MGAT4C: variants seen among roughly 807,000 people sequenced by gnomAD.
The protein encoded by MGAT4C is MGAT4 family member C, also known as alpha-1,3-mannosyl-glycoprotein 4-beta-N-acetylglucosaminyltransferase C.
Under a neutral mutation model 40.1 loss-of-function variants are expected in MGAT4C, and 19 were observed. That is an observed-to-expected ratio of 0.47 (90% confidence interval 0.33 to 0.70). The LOEUF is 0.70. MGAT4C is among the 30% of genes least tolerant of loss of function. The pLI, the probability that MGAT4C is intolerant of heterozygous loss-of-function variation, is 0.02. For synonymous variants in MGAT4C, 181 were observed against 187.1 expected (o/e 0.97, Z 0.27); for missense variants, 491 against 563.2 (o/e 0.87, Z 1.30).
At chr12:86,589,958 C>G (rs1961252869) in intron 2 of MGAT4C, among the ~76,000 whole-genome samples, 1 of 151,860 alleles carries the variant, frequency 6.6e-6, no homozygotes, top group South Asian at 2.1e-4. Flanking sequence ...TAAAACAATA[C>G]AAAATACAAA....
At chr12:86,138,476 T>TA (rs1187180281) in intron 1 of MGAT4C, among the ~76,000 whole-genome samples, 90 of 20,060 alleles carry the variant, frequency 4.5e-3, no homozygotes, top group African/African-American at 0.021. Context: ...TCCATATATA[T>TA]CCATATATAT....
rs1239780593 is a variant in MGAT4C at position 86,651,493 on chromosome 12, G to A, written c.-229+75716C>T. 2.6e-5 allele frequency among the ~76,000 whole-genome samples: 4 copies of A among 151,830 alleles called. 1 individual carries two copies. In the South Asian group the frequency reaches 6.2e-4, roughly 24 times the overall value. ...ATACCTAACTCCATTAATATTTTGA[G>A]TATTATTTTTTAATTGGCAATCTAG... is the stretch of plus-strand genomic sequence containing the variant. On this transcript the variant is annotated intron_variant, in intron 2 of 7. Coordinates refer to the MGAT4C transcript ENST00000548651.
intron 2 of MGAT4C, among the ~76,000 whole-genome samples, chr12:86,709,292 C>A (rs961965495): frequency 6.6e-6 from 1 of 152,174 alleles, no homozygotes; most frequent in African/African-American, 2.4e-5. Flanking sequence ...TGTCAGGCTT[C>A]CCCAGCCACG....
chr12:86,405,542 G>T, intron 3 of MGAT4C, among the ~76,000 whole-genome samples: 1 of 151,918 alleles, frequency 6.6e-6, no homozygotes, highest in Non-Finnish European at 1.5e-5. Context: ...ACGTAGTAAA[G>T]ATTTCAACTC....
At chr12:86,608,331 C>A (rs1423249851) in intron 2 of MGAT4C, among the ~76,000 whole-genome samples, 1 of 152,052 alleles carries the variant, frequency 6.6e-6, no homozygotes, top group Non-Finnish European at 1.5e-5. Context: ...ATAATCCCAG[C>A]ACTTTGGGAG....
At chr12:86,606,739 G>C (rs1222621014) in intron 2 of MGAT4C, among the ~76,000 whole-genome samples, 1 of 151,942 alleles carries the variant, frequency 6.6e-6, no homozygotes, top group African/African-American at 2.4e-5. Flanking sequence ...TACCAAGATT[G>C]CTGGATAAAA....
At chr12:86,044,657 T>C (rs1466105781) in intron 2 of MGAT4C, among the ~76,000 whole-genome samples, 2 of 152,068 alleles carry the variant, frequency 1.3e-5, no homozygotes, top group Admixed American at 6.5e-5. Flanking sequence ...GCCGATCTGC[T>C]GGAGCTCTCT....
chr12:86,454,893 C>A (rs1957486295), intron 2 of MGAT4C, among the ~76,000 whole-genome samples: 2 of 152,036 alleles, frequency 1.3e-5, no homozygotes, highest in South Asian at 2.1e-4. Flanking sequence ...TTGTTTCTTT[C>A]TCTTAACATT....
At chr12:86,094,111 T>C (rs1309820396) in intron 1 of MGAT4C, among the ~76,000 whole-genome samples, 1 of 152,118 alleles carries the variant, frequency 6.6e-6, no homozygotes, top group Non-Finnish European at 1.5e-5. Flanking sequence ...ACAGGTAATG[T>C]GTTGATGCAA....
chr12:86,147,927 G>C (rs757364124), intron 1 of MGAT4C, among the ~76,000 whole-genome samples: 1 of 152,074 alleles, frequency 6.6e-6, no homozygotes, highest in Non-Finnish European at 1.5e-5. Context: ...ATATTTGAGA[G>C]ACAAATCTAA....
At chr12:86,626,598 ATG>A (rs1962812630) in intron 2 of MGAT4C, among the ~76,000 whole-genome samples, 2 of 152,236 alleles carry the variant, frequency 1.3e-5, no homozygotes, top group African/African-American at 4.8e-5. Context: ...CTGCTATAAA[ATG>A]TATTTATTTA....
rs192639733 is a variant in MGAT4C, at chr12:86,493,498, G to A, written c.-228-58233C>T. ...AATGATGAGTTCATGCCCTTTGTTG[G>A]CACATGGATGAAACTGGAAATCATC... On this transcript the variant is annotated intron_variant, in intron 2 of 7. Coordinates refer to the MGAT4C transcript ENST00000548651. Among the ~76,000 whole-genome samples the A allele has an allele frequency of 1.5e-3, 222 of 152,230 alleles. 1 individual carries two copies. Among genetic ancestry groups the A allele is most frequent in the Middle Eastern group, 6.8e-3 (2 of 294 alleles).
intron 1 of MGAT4C, among the ~76,000 whole-genome samples, chr12:86,210,300 C>A (rs1304658430): frequency 6.6e-6 from 1 of 152,160 alleles, no homozygotes; most frequent in Non-Finnish European, 1.5e-5. Context: ...CACTGGCTTG[C>A]AGGTGCAATG....
intron 1 of MGAT4C, among the ~76,000 whole-genome samples, chr12:86,129,888 C>A (rs959339783): frequency 5.9e-5 from 9 of 152,080 alleles, no homozygotes; most frequent in African/African-American, 2.2e-4. Context: ...AATTCCTGTT[C>A]CAACTTTAGC....
At chr12:86,669,131 C>T (rs768279201) in intron 2 of MGAT4C, among the ~76,000 whole-genome samples, 9 of 152,190 alleles carry the variant, frequency 5.9e-5, no homozygotes, top group Middle Eastern at 3.4e-3. Context: ...AGGTAGATCT[C>T]CAGGCATTCA....
In MGAT4C at chr12:85,963,234, A is replaced by G. The variant is rs773680097; in HGVS notation, c.*16055T>C. The G allele has an allele frequency of 6.6e-6, 1 of 152,034 alleles. No individual in the cohort carries two copies. Among genetic ancestry groups the G allele is most frequent in the Non-Finnish European group, 1.5e-5 (1 of 67,888 alleles). The allele number at this position is 152,034 out of a possible 1,614,324, so 9.4% of individuals were successfully genotyped here. On this transcript the variant is annotated 3_prime_UTR_variant, in exon 5 of 5. Coordinates refer to ENST00000611864, the MANE Select transcript of MGAT4C (RefSeq NM_001351288.2). ...AAAAATTATAATAATTGAATTTTTA[A>G]TTCCTCATAAATATTTTAAAAGTAC... is the stretch of plus-strand genomic sequence containing the variant.
At chr12:86,479,298 CA>C (rs199550622) in intron 2 of MGAT4C, among the ~76,000 whole-genome samples, 274 of 151,966 alleles carry the variant, frequency 1.8e-3, no homozygotes, top group African/African-American at 5.6e-3. Flanking sequence ...AGAAATTAAT[CA>C]ATACTATAAA....
intron 1 of MGAT4C, among the ~76,000 whole-genome samples, chr12:86,079,902 C>T (rs745830607): frequency 2.0e-5 from 3 of 152,024 alleles, no homozygotes; most frequent in Admixed American, 6.6e-5. Flanking sequence ...CATTCCAGGT[C>T]GTGCTCATTG....
intron 3 of MGAT4C, among the ~76,000 whole-genome samples, chr12:86,356,413 C>A (rs61950747): frequency 1.3e-5 from 2 of 152,062 alleles, no homozygotes; most frequent in East Asian, 3.9e-4. Flanking sequence ...GTGAGCAATG[C>A]AGAAGATGGG....
Sources: gnomAD v4.1 joint callset for allele counts (sites outside exome capture counted in the v4.1 genomes callset) on GRCh38, gnomAD v4.1.1 for gene constraint, MANE v1.5 for transcripts, NCBI Gene and HGNC (gene_info 2026-07-23, HGNC 2026-07-21) for gene names.